The following TNFSF8 variants were observed in gnomAD, a reference collection of about 807,000 sequenced individuals.
The protein encoded by TNFSF8 is tumor necrosis factor ligand superfamily member 8.
A neutral mutation model predicts 22.0 loss-of-function variants in TNFSF8; 4 were observed. That is an observed-to-expected ratio of 0.18 (90% CI 0.09 to 0.42). TNFSF8 has a LOEUF of 0.42. Among genes scored for constraint, TNFSF8 ranks in the 10% least tolerant of loss-of-function variants. TNFSF8 has a pLI of 1.00. For synonymous variants in TNFSF8, 106 were observed against 112.5 expected (o/e 0.94, Z 0.37); for missense variants, 233 against 281.8 (o/e 0.83, Z 1.24).
intron 1 of TNFSF8, among the ~76,000 whole-genome samples, chr9:114,923,611 G>C (rs1828020854): frequency 6.7e-6 from 1 of 149,272 alleles, no homozygotes; most frequent in South Asian, 2.1e-4. Context: ...TTGGCCTCCT[G>C]GGTTCAAGAG....
At chr9:114,909,944 C>T (rs1827832492) in intron 2 of TNFSF8, among the ~76,000 whole-genome samples, 1 of 152,184 alleles carries the variant, frequency 6.6e-6, no homozygotes, top group Non-Finnish European at 1.5e-5. Context: ...CTCAATGTTG[C>T]CCCTATGGCA....
At chr9:114,898,152 A>G (rs1827676343), downstream of TNFSF8, among the ~76,000 whole-genome samples, 1 of 140,038 alleles carries the variant, frequency 7.1e-6, no homozygotes, top group Admixed American at 7.4e-5. Context: ...ACAGGCGCAC[A>G]CCACCATGCC....
intron 2 of TNFSF8, among the ~76,000 whole-genome samples, chr9:114,910,565 A>G (rs1045025401): frequency 6.6e-6 from 1 of 152,212 alleles, no homozygotes; most frequent in Non-Finnish European, 1.5e-5. Context: ...TGCAGCCACT[A>G]CAGACACTGG....
downstream of TNFSF8, among the ~76,000 whole-genome samples, chr9:114,900,597 G>A (rs769621581): frequency 3.9e-5 from 6 of 152,024 alleles, no homozygotes; most frequent in East Asian, 1.9e-4. Context: ...CCCTGCTCTC[G>A]CCCCGGTCAC....
rs1827733252 is a variant in TNFSF8, at chr9:114,902,829, A to C, written c.*1102T>G. ...TAGACTTGGATCCTGAGTTCCAGGG[A>C]GGGGAAGGTATAGTGAATTCTTATA... On this transcript the variant is annotated 3_prime_UTR_variant, in exon 4 of 4. Coordinates refer to ENST00000223795, the MANE Select transcript of TNFSF8 (RefSeq NM_001244.4). 1.2e-6 allele frequency: 1 copy of C among 861,502 alleles called. No individual in the cohort carries two copies. Among genetic ancestry groups the C allele is most frequent in the African/African-American group, 1.8e-5 (1 of 54,744 alleles). The allele number at this position is 861,502 out of a possible 1,614,324, so 53.4% of individuals were successfully genotyped here. A position where few individuals can be genotyped will look rare whatever the true frequency, so the allele number is the denominator to read the frequency against.
At chr9:114,905,258 G>A (rs1183171272) in intron 3 of TNFSF8, among the ~76,000 whole-genome samples, 1 of 152,122 alleles carries the variant, frequency 6.6e-6, no homozygotes, top group Non-Finnish European at 1.5e-5. Flanking sequence ...GAGAATCTTG[G>A]CCATCTCTTT....
rs75951982 is a variant in TNFSF8 at position 114,910,386 on chromosome 9, G to A, written c.239-4487C>T. On this transcript the variant is annotated intron_variant, in intron 2 of 3. Transcript: ENST00000223795. ...ATGCTAACAGAGATCCTAGTTTTAG[G>A]AGTGGCGAGACTACCCAGAGAGACT... Among the ~76,000 whole-genome samples the A allele has an allele frequency of 7.6e-3, 1,157 of 152,280 alleles. 8 individuals carry two copies. The highest frequency in any genetic ancestry group is 0.028 in the South Asian group (134 of 4,824).
intron 2 of TNFSF8, among the ~76,000 whole-genome samples, chr9:114,912,852 G>A (rs900743242): frequency 1.1e-4 from 16 of 152,202 alleles, no homozygotes; most frequent in Non-Finnish European, 1.6e-4. Context: ...ACCTCACTTC[G>A]TCTTCTTTAA....
Position 114,901,907 on chromosome 9 carries a change from A to T in TNFSF8, c.*2024T>A. 2.1e-6 allele frequency: 2 copies of T among 969,488 alleles called. No homozygotes were observed. Among genetic ancestry groups the T allele is most frequent in the African/African-American group, 1.8e-5 (1 of 56,984 alleles). 60.1% of individuals were successfully genotyped at this position (969,488 alleles called of 1,614,324 possible). A position where few individuals can be genotyped will look rare whatever the true frequency, so the allele number is the denominator to read the frequency against. On this transcript the variant is annotated 3_prime_UTR_variant, in exon 4 of 4. Coordinates refer to ENST00000223795, the MANE Select transcript of TNFSF8 (RefSeq NM_001244.4). ...TCAAGTCCCTTTCATCCATACCACC[A>T]CTGCTGATTTGTTCTTTCTTTTTTT...
intron 2 of TNFSF8, among the ~76,000 whole-genome samples, chr9:114,915,409 T>C (rs1376337623): frequency 6.6e-6 from 1 of 152,214 alleles, no homozygotes; most frequent in Non-Finnish European, 1.5e-5. Context: ...TGTGGTCAGT[T>C]CTGGAGCCCA....
At chr9:114,924,757 C>A (rs894740438) in intron 1 of TNFSF8, among the ~76,000 whole-genome samples, 2 of 152,158 alleles carry the variant, frequency 1.3e-5, no homozygotes, top group African/African-American at 4.8e-5. Context: ...ATGACTTCTC[C>A]TTTGCTCTGT....
intron 1 of TNFSF8, among the ~76,000 whole-genome samples, chr9:114,923,913 A>T (rs893915382): frequency 1.3e-5 from 2 of 152,200 alleles, no homozygotes; most frequent in African/African-American, 2.4e-5. Context: ...GTCAAAAAAA[A>T]TGGGACAACC....
chr9:114,926,449 T>C (rs935625402), intron 1 of TNFSF8, among the ~76,000 whole-genome samples: 1 of 151,984 alleles, frequency 6.6e-6, no homozygotes, highest in Non-Finnish European at 1.5e-5. Context: ...AAAAAGAAAA[T>C]GCACATTCCA....
chr9:114,923,217 C>A (rs376079936), intron 1 of TNFSF8, among the ~76,000 whole-genome samples: 15 of 152,226 alleles, frequency 9.9e-5, no homozygotes, highest in East Asian at 5.8e-4. Context: ...ATGGGCTGTG[C>A]CACTGCTTTC....
At chr9:114,893,807 G>A (rs1587927061) in exon 5 of TNFSF8, 1 of 405,412 alleles carries the variant, frequency 2.5e-6, no homozygotes, top group East Asian at 4.7e-5. Flanking sequence ...CATACATTTT[G>A]GGAAGTGATT....
chr9:114,900,914 G>T (rs1176500659), downstream of TNFSF8, among the ~76,000 whole-genome samples: 1 of 152,148 alleles, frequency 6.6e-6, no homozygotes, highest in Non-Finnish European at 1.5e-5. Flanking sequence ...CCCAGGAAGG[G>T]GAGGCTGCAG....
chr9:114,928,494 A>G (rs1481404345), intron 1 of TNFSF8, among the ~76,000 whole-genome samples: 2 of 152,212 alleles, frequency 1.3e-5, no homozygotes, highest in African/African-American at 2.4e-5. Flanking sequence ...CTAGCTTTAT[A>G]TATCACCATC....
At chr9:114,926,423 G>A (rs753514944) in intron 1 of TNFSF8, among the ~76,000 whole-genome samples, 18 of 151,768 alleles carry the variant, frequency 1.2e-4, no homozygotes, top group Non-Finnish European at 2.2e-4. Flanking sequence ...GAGCGAGACT[G>A]TCTCCAAAAA....
rs976427431 is a variant in TNFSF8, at chr9:114,903,698, T to C, written c.*233A>G. 2.6e-5 allele frequency: 32 copies of C among 1,247,346 alleles called. No homozygotes were observed. The highest frequency in any genetic ancestry group is 3.0e-5 in the Non-Finnish European group (30 of 995,030). 77.3% of individuals were successfully genotyped at this position (1,247,346 alleles called of 1,614,324 possible). A position where few individuals can be genotyped will look rare whatever the true frequency, so the allele number is the denominator to read the frequency against. On this transcript the variant is annotated 3_prime_UTR_variant, in exon 4 of 4. Coordinates refer to ENST00000223795, the MANE Select transcript of TNFSF8 (RefSeq NM_001244.4). The stretch of plus-strand genomic sequence containing the variant: ...CATCCCTTCTGATTCTGTGTGGGGC[T>C]CTGCCCACCACACTACATTGCTTCC...
Sources: gnomAD v4.1 joint callset for allele counts (sites outside exome capture counted in the v4.1 genomes callset) on GRCh38, gnomAD v4.1.1 for gene constraint, MANE v1.5 for transcripts, NCBI Gene and HGNC (gene_info 2026-07-23, HGNC 2026-07-21) for gene names.